Variants in PKIB observed in about 807,000 individuals in gnomAD.
PKIB encodes the protein cAMP-dependent protein kinase inhibitor beta.
A neutral mutation model predicts 4.5 loss-of-function variants in PKIB; 2 were observed. The observed-to-expected ratio is 0.44, with a 90% CI of 0.18 to 1.39. The LOEUF is 1.39. Among genes scored for constraint, PKIB ranks in the 40% most tolerant of loss-of-function variants. The pLI is 0.27. For synonymous variants in PKIB, 38 were observed against 36.0 expected (o/e 1.06, Z -0.20); for missense variants, 94 against 92.6 (o/e 1.02, Z -0.06).
chr6:122,704,489 A>G (rs924666481), intron 3 of PKIB, among the ~76,000 whole-genome samples: 1 of 152,148 alleles, frequency 6.6e-6, no homozygotes, highest in Admixed American at 6.5e-5. Flanking sequence ...GAAGATAAAA[A>G]TAGATCTTTT....
At chr6:122,483,667 C>A (rs920218886) in intron 2 of PKIB, 1 of 152,118 alleles carries the variant, frequency 6.6e-6, no homozygotes, top group Non-Finnish European at 1.5e-5. Context: ...ACAAGAGTCT[C>A]TAGGAGTGGC....
chr6:122,489,065 G>A (rs929377130), intron 2 of PKIB, among the ~76,000 whole-genome samples: 2 of 151,980 alleles, frequency 1.3e-5, no homozygotes, highest in African/African-American at 2.4e-5. Context: ...CCAGAAAGTT[G>A]CCTTCTAGGC....
chr6:122,698,742 G>T (rs148081603), intron 3 of PKIB, among the ~76,000 whole-genome samples: 21 of 152,250 alleles, frequency 1.4e-4, no homozygotes, highest in African/African-American at 5.1e-4. Context: ...CAATCTGTAA[G>T]TAACAGCACT....
chr6:122,689,109 G>A (rs2114994379), intron 3 of PKIB, among the ~76,000 whole-genome samples: 1 of 152,086 alleles, frequency 6.6e-6, no homozygotes, highest in African/African-American at 2.4e-5. Context: ...GGTATTGGTT[G>A]TAACATCTCC....
intron 1 of PKIB, among the ~76,000 whole-genome samples, chr6:122,614,047 T>C (rs934065119): frequency 2.0e-5 from 3 of 152,096 alleles, no homozygotes; most frequent in Non-Finnish European, 4.4e-5. Flanking sequence ...GTACACTTTT[T>C]ATTCTAGCAA....
Position 122,505,378 on chromosome 6 carries a change from C to T in PKIB, c.-248+27439C>T, listed in dbSNP as rs563341247. Among the ~76,000 whole-genome samples, 5 of 152,308 alleles carry T rather than the reference C, an allele frequency of 3.3e-5. No homozygotes were observed. In the East Asian group the frequency reaches 9.7e-4, roughly 29 times the overall value. On this transcript the variant is annotated intron_variant, in intron 2 of 6. Transcript: ENST00000392491. Reference sequence around the variant, plus strand: ...ATGGCCAGTTTATACAGGCACCCCACAAGCCCTTTTCCCAACATGTCCCCC... The same window carrying T: ...ATGGCCAGTTTATACAGGCACCCCATAAGCCCTTTTCCCAACATGTCCCCC...
In PKIB at chr6:122,594,695, T is replaced by A. The variant is rs185612844; in HGVS notation, c.-161+8688T>A. On this transcript the variant is annotated intron_variant, in intron 3 of 6. Coordinates refer to the PKIB transcript ENST00000392491. ...CAGCAAGTATCTCAACAGGTCGTGG[T>A]TTTTTTCCTGATGGAGAGACCTAAA... Among the ~76,000 whole-genome samples, 16 of 152,272 alleles carry A rather than the reference T, an allele frequency of 1.1e-4. 2 individuals carry two copies. In the East Asian group the frequency reaches 2.7e-3, roughly 26 times the overall value.
chr6:122,534,514 A>G (rs191840666), intron 2 of PKIB, among the ~76,000 whole-genome samples: 76 of 152,292 alleles, frequency 5.0e-4, no homozygotes, highest in African/African-American at 1.6e-3. Context: ...CCCTGGAAAC[A>G]TGGCACTGTG....
At chr6:122,486,769 G>T (rs913420292) in intron 2 of PKIB, among the ~76,000 whole-genome samples, 1 of 152,190 alleles carries the variant, frequency 6.6e-6, no homozygotes, top group Non-Finnish European at 1.5e-5. Flanking sequence ...TCTGCACCAT[G>T]ACATTTTTCA....
At chr6:122,474,079 G>A (rs1391754422) in intron 1 of PKIB, among the ~76,000 whole-genome samples, 1 of 152,234 alleles carries the variant, frequency 6.6e-6, no homozygotes, top group Non-Finnish European at 1.5e-5. Flanking sequence ...GTTGCAGTGA[G>A]CTGGGATCGT....
rs774067609 is a variant in PKIB at position 122,565,215 on chromosome 6, A to G, written c.-247-20706A>G. ...GGAGTTACTGTCATTTTTACCTACA[A>G]TATCATAGCTAACACCTTCTTCTGG... is the stretch of plus-strand genomic sequence containing the variant. On this transcript the variant is annotated intron_variant, in intron 2 of 6. Coordinates refer to the PKIB transcript ENST00000392491. 3.3e-5 allele frequency among the ~76,000 whole-genome samples: 5 copies of G among 152,298 alleles called. No individual in the cohort carries two copies. The South Asian group carries it at 8.3e-4, about 25-fold the overall frequency.
chr6:122,595,671 A>G (rs983490882), intron 3 of PKIB, among the ~76,000 whole-genome samples: 1 of 152,288 alleles, frequency 6.6e-6, no homozygotes, highest in Middle Eastern at 3.4e-3. Context: ...TCGAGGGCTC[A>G]GTATTGGTCT....
chr6:122,660,063 G>A (rs1464452901), intron 2 of PKIB, among the ~76,000 whole-genome samples: 1 of 152,156 alleles, frequency 6.6e-6, no homozygotes, highest in Admixed American at 6.5e-5. Flanking sequence ...AGTTAGAAAT[G>A]TCAAACAAAT....
intron 2 of PKIB, among the ~76,000 whole-genome samples, chr6:122,537,132 ATTC>A (rs1432029475): frequency 6.6e-6 from 1 of 151,514 alleles, no homozygotes; most frequent in Non-Finnish European, 1.5e-5. Flanking sequence ...TTGCTTCTTT[ATTC>A]TTCTTTCTGA....
In PKIB at chr6:122,538,976, T is replaced by C. The variant is rs540847934; in HGVS notation, c.-247-46945T>C. On this transcript the variant is annotated intron_variant, in intron 2 of 6. Transcript: ENST00000392491. ...TGGGAGTTCACTCGTGATTTGGCTC[T>C]CTGTTTGTCTGTTATTGGTGTATAA... Among the ~76,000 whole-genome samples, 552 of 152,092 alleles carry C rather than the reference T, an allele frequency of 3.6e-3. 11 individuals are homozygous for C. The highest frequency in any genetic ancestry group is 0.012 in the African/African-American group (511 of 41,380).
In PKIB at chr6:122,634,145, AG is replaced by A. The variant is rs376647749; in HGVS notation, c.-76+781del. ...ACACTGCATGTTCTCACTCATAAGT[AG>A]GGATTAAACAATGAGAACACATGGA... On this transcript the variant is annotated intron_variant, in intron 2 of 4. Transcript: ENST00000368452. Among the ~76,000 whole-genome samples, 554 of 152,202 alleles carry A rather than the reference AG, an allele frequency of 3.6e-3. 4 individuals are homozygous for A. Among genetic ancestry groups the A allele is most frequent in the African/African-American group, 0.013 (530 of 41,530 alleles).
chr6:122,488,961 A>G (rs1775856681), intron 2 of PKIB, among the ~76,000 whole-genome samples: 1 of 152,096 alleles, frequency 6.6e-6, no homozygotes, highest in South Asian at 2.1e-4. Context: ...CATATTTGTA[A>G]CTCATTTATC....
intron 2 of PKIB, among the ~76,000 whole-genome samples, chr6:122,565,937 C>T (rs1005364909): frequency 1.1e-4 from 17 of 152,166 alleles, no homozygotes; most frequent in African/African-American, 4.1e-4. Flanking sequence ...CCTCTGTTTT[C>T]CTTTGACTTT....
intron 2 of PKIB, among the ~76,000 whole-genome samples, chr6:122,546,119 A>G (rs1219115838): frequency 2.6e-5 from 4 of 152,084 alleles, no homozygotes; most frequent in Non-Finnish European, 5.9e-5. Context: ...GAGGCAAATC[A>G]GGTCTTCAGC....
Sources: gnomAD v4.1 joint callset for allele counts (sites outside exome capture counted in the v4.1 genomes callset) on GRCh38, gnomAD v4.1.1 for gene constraint, MANE v1.5 for transcripts, NCBI Gene and HGNC (gene_info 2026-07-23, HGNC 2026-07-21) for gene names.